HK3: variants seen among roughly 807,000 people sequenced by gnomAD.
The protein encoded by HK3 is hexokinase-3.
In HK3, 93 loss-of-function variants were observed where a neutral mutation model predicts 91.0. The observed-to-expected ratio is 1.02, with a 90% CI of 0.86 to 1.21. The LOEUF (loss-of-function observed/expected upper bound fraction) is 1.21, where lower values mean the gene tolerates loss of function less well. Ranked by LOEUF, HK3 falls within the 50% of genes most tolerant of loss-of-function variation. The pLI is 0.00. For missense variants in HK3, 1,235 were observed against 1,247.4 expected, an observed-to-expected ratio of 0.99 and a Z score of 0.15; for synonymous variants, 519 against 516.9, an observed-to-expected ratio of 1.00 and a Z score of -0.06.
chr5:176,883,834 G>A lies in HK3; in HGVS notation c.1989C>T (p.Asp663=), dbSNP rs1758508486. The change falls in exon 15 of 19, where the codon GAC becomes GAT. Residue 663 remains aspartate, a synonymous_variant. Transcript: ENST00000292432. Reference sequence around the variant, plus strand: ...CACAGGACATCATGGTCCCCACCGTGTCATTGACAATGGCAACCACATTCA... The same window carrying A: ...CACAGGACATCATGGTCCCCACCGTATCATTGACAATGGCAACCACATTCA... ...VELNVVAIVN[D]TVGTMMSCGY... 1 of 1,614,100 alleles carries A rather than the reference G, an allele frequency of 6.2e-7. No homozygotes were observed. Among genetic ancestry groups the A allele is most frequent in the Non-Finnish European group, 8.5e-7 (1 of 1,180,016 alleles).
chr5:176,892,952 C>G (rs1758815123), intron 2 of HK3, among the ~76,000 whole-genome samples: 1 of 152,212 alleles, frequency 6.6e-6, no homozygotes, highest in Non-Finnish European at 1.5e-5. Flanking sequence ...GCTAGGGGTG[C>G]CCATGCCCAC....
chr5:176,893,029 C>G (rs1293559355), intron 2 of HK3, among the ~76,000 whole-genome samples: 3 of 152,130 alleles, frequency 2.0e-5, no homozygotes, highest in Non-Finnish European at 4.4e-5. Context: ...AGCTGCAGAC[C>G]CTGTTTGCTC....
chr5:176,894,530 T>C (rs1460011002), intron 2 of HK3, among the ~76,000 whole-genome samples: 1 of 152,136 alleles, frequency 6.6e-6, no homozygotes, highest in Non-Finnish European at 1.5e-5. Flanking sequence ...GCAGGCACTG[T>C]GGCCCAGCCA....
chr5:176,881,080 C>G lies in HK3; in HGVS notation c.2765G>C (p.Arg922Pro), dbSNP rs150401292. 2 of 1,602,366 alleles carry G rather than the reference C, an allele frequency of 1.2e-6. No homozygotes were observed. The highest frequency in any genetic ancestry group is 1.7e-4 in the Middle Eastern group (1 of 5,946). Reference protein sequence around the residue: ...AVACRLAQLTRV With the variant: ...AVACRLAQLTPV Reference sequence around the variant, plus strand: ...CTCAGCCTGGAGGTTTCCTCAGACACGAGTCAACTGCGCAAGGCGGCAGGC... The same window carrying G: ...CTCAGCCTGGAGGTTTCCTCAGACAGGAGTCAACTGCGCAAGGCGGCAGGC... Residue 922 changes from arginine (R) to proline (P), a missense_variant, in exon 19 of 19, where the codon CGT becomes CCT. Coordinates refer to ENST00000292432, the MANE Select transcript of HK3 (RefSeq NM_002115.3).
rs1466539149 is a variant in HK3 at position 176,881,165 on chromosome 5, C to A, written c.2680G>T (p.Val894Phe). The A allele has an allele frequency of 2.5e-6, 4 of 1,613,032 alleles. No individual in the cohort carries two copies. The Admixed American group carries it at 6.7e-5, about 27-fold the overall frequency. Residue 894 changes from valine to phenylalanine, a missense_variant, in exon 19 of 19, where the codon GTC (valine) becomes TTC (phenylalanine). Physicochemically the swap from Val to Phe is conservative, Grantham distance 50. This residue lies in a region of HK3 where 513 missense variants were observed against 477.4 expected (regional missense o/e 1.07). Coordinates refer to ENST00000292432, the MANE Select transcript of HK3 (RefSeq NM_002115.3). The stretch of plus-strand genomic sequence containing the variant: ...CCATCCTCTGACTGCAGGAACGTGA[C>A]CACACAGCGAGGGGCCAGCTCCCGC... The part of the protein sequence containing the change: ...TVRELAPRCV[V>F]TFLQSEDGSG...
Position 176,887,340 on chromosome 5 carries a change from G to T in HK3, c.1601-3C>A. The T allele has an allele frequency of 6.2e-7, 1 of 1,613,938 alleles. No individual in the cohort carries two copies. On this transcript the variant is annotated splice_region_variant and splice_polypyrimidine_tract_variant and intron_variant, in intron 11 of 18. Transcript: ENST00000292432. The surrounding 1 kb of genome is among the most constrained non-coding windows in gnomAD (Gnocchi z 4.9). ...CAGGGCCAGGAAATCCCCTCGCTCTGTGGGGGCAGAGACCCTCAGTGCCGG... is the reference window on the plus strand; with the variant it reads ...CAGGGCCAGGAAATCCCCTCGCTCTTTGGGGGCAGAGACCCTCAGTGCCGG...
At position 176,887,339 on chromosome 5, in the gene HK3, T is replaced by C. The variant is rs761316156; in HGVS notation, c.1601-2A>G. The C allele has an allele frequency of 1.2e-6, 2 of 1,613,980 alleles. No homozygotes were observed. Among genetic ancestry groups the C allele is most frequent in the Non-Finnish European group, 1.7e-6 (2 of 1,180,028 alleles). ...CCAGGGCCAGGAAATCCCCTCGCTCTGTGGGGGCAGAGACCCTCAGTGCCG... is the reference window on the plus strand; with the variant it reads ...CCAGGGCCAGGAAATCCCCTCGCTCCGTGGGGGCAGAGACCCTCAGTGCCG... On this transcript the variant is annotated splice_acceptor_variant, in intron 11 of 18. Coordinates refer to ENST00000292432, the MANE Select transcript of HK3 (RefSeq NM_002115.3). LOFTEE classifies it high-confidence loss of function. The surrounding 1 kb of genome is among the most constrained non-coding windows in gnomAD (Gnocchi z 4.9).
At chr5:176,882,216 G>C in intron 15 of HK3, 89 bp from the exon 16 acceptor site, 1 of 1,358,670 alleles carries the variant, frequency 7.4e-7, no homozygotes, top group Non-Finnish European at 1.0e-6. Context: ...GCAACGATTC[G>C]GGCTCACTCT....
chr5:176,884,220 G>A lies in HK3; in HGVS notation c.1858-86C>T. 1 of 1,128,346 alleles carries A rather than the reference G, an allele frequency of 8.9e-7. No homozygotes were observed. The highest frequency in any genetic ancestry group is 1.3e-6 in the Non-Finnish European group (1 of 742,372). 69.9% of individuals were successfully genotyped at this position (1,128,346 alleles called of 1,614,324 possible). A position where few individuals can be genotyped will look rare whatever the true frequency, so the allele number is the denominator to read the frequency against. ...TCTGCAAAACCTGCATCCATCACAA[G>A]CCTAGGCTTTCCACCCTCCCCAAGC... On this transcript the variant is annotated intron_variant, in intron 13 of 18. Transcript: ENST00000292432. This position sits in a 1 kb window ranked among gnomAD's most constrained non-coding sequence, Gnocchi z 4.1.
rs757298879 is a variant in HK3 at position 176,890,893 on chromosome 5, G to C, written c.463C>G (p.Pro155Ala). ...AGCTGCAGACCCTGTTTGTTCACAG[G>C]CTGCGCATCCAGGAACTCAGACAGG... The part of the protein sequence containing the change: ...HCLSEFLDAQ[P>A]VNKQGLQLGF... Residue 155 changes from proline to alanine, a missense_variant, in exon 5 of 19, where the codon CCT (proline) becomes GCT (alanine). This residue lies in a region of HK3 where 717 missense variants were observed against 751.6 expected (regional missense o/e 0.95). Coordinates refer to ENST00000292432, the MANE Select transcript of HK3 (RefSeq NM_002115.3). The C allele has an allele frequency of 6.2e-7, 1 of 1,614,058 alleles. No individual in the cohort carries two copies. Among genetic ancestry groups the C allele is most frequent in the African/African-American group, 1.3e-5 (1 of 75,048 alleles).
rs748715402 is a variant in HK3, at chr5:176,889,676, C to A, written c.699G>T (p.Gly233=). The part of the protein sequence containing the change: ...TVGTMMGCEP[G]VRPCEVGLVV... ...CTAGCCCAACCTCACACGGCCTGAC[C>A]CCCGGCTCACAGCCCATCATGGTGC... Residue 233 remains glycine, a synonymous_variant, in exon 7 of 19, where the codon GGG becomes GGT. Transcript: ENST00000292432. The A allele has an allele frequency of 6.2e-7, 1 of 1,614,170 alleles. No individual in the cohort carries two copies. Among genetic ancestry groups the A allele is most frequent in the South Asian group, 1.1e-5 (1 of 91,084 alleles).
intron 1 of HK3, among the ~76,000 whole-genome samples, chr5:176,898,986 T>C (rs1172088912): frequency 6.6e-6 from 1 of 151,860 alleles, no homozygotes; most frequent in Non-Finnish European, 1.5e-5. Flanking sequence ...ATAACAAAAA[T>C]TAGCTGGGTG....
chr5:176,884,846 AG>A lies in HK3; in HGVS notation c.1858-713del, dbSNP rs1450401372. On this transcript the variant is annotated intron_variant, in intron 13 of 18. Coordinates refer to ENST00000292432, the MANE Select transcript of HK3 (RefSeq NM_002115.3). The surrounding 1 kb of genome is among the most constrained non-coding windows in gnomAD (Gnocchi z 4.1). ...TTGGGAGAAAATTACTGCTTTGCTC[AG>A]AGGAGGAGCATGGAGGGTAGGTCAG... Among the ~76,000 whole-genome samples the A allele has an allele frequency of 2.0e-5, 3 of 152,236 alleles. No individual in the cohort carries two copies. The highest frequency in any genetic ancestry group is 2.0e-4 in the Admixed American group (3 of 15,288).
chr5:176,896,113 A>G lies in HK3; in HGVS notation c.47T>C (p.Leu16Pro). 2 of 1,613,140 alleles carry G rather than the reference A, an allele frequency of 1.2e-6. No individual in the cohort carries two copies. The highest frequency in any genetic ancestry group is 1.1e-5 in the South Asian group (1 of 90,960). The change falls in exon 2 of 19, where the codon CTG becomes CCG. Residue 16 changes from leucine to proline, a missense_variant. Physicochemically the swap from Leu to Pro is moderately conservative, Grantham distance 98. Transcript: ENST00000292432. ...SSGLRQGEETLSCSEEGLPGP... is the reference protein window; with the variant it reads ...SSGLRQGEETPSCSEEGLPGP... The stretch of plus-strand genomic sequence containing the variant: ...GGGCAAGCCCTCCTCAGAGCAACTC[A>G]GGGTTTCTTCCCCCTGCCGCAACCC...
chr5:176,881,490 C>A lies in HK3; in HGVS notation c.2439G>T (p.Leu813=). The change falls in exon 18 of 19, where the codon CTG becomes CTT. Residue 813 remains leucine (L), a synonymous_variant. Coordinates refer to ENST00000292432, the MANE Select transcript of HK3 (RefSeq NM_002115.3). ...LRQVRAILED[L]GLPLTSDDAL... ...CGTCATCTGAGGTCAGGGGTAGCCCCAGATCCTCTAGGATGGCTCGGACCT... is the reference window on the plus strand; with the variant it reads ...CGTCATCTGAGGTCAGGGGTAGCCCAAGATCCTCTAGGATGGCTCGGACCT... The A allele has an allele frequency of 6.2e-7, 1 of 1,607,346 alleles. No individual in the cohort carries two copies.
chr5:176,890,481 G>T (rs1758735376), intron 6 of HK3, among the ~76,000 whole-genome samples, 154 bp downstream of exon 6: 1 of 152,194 alleles, frequency 6.6e-6, no homozygotes. Context: ...GTAGCAACAT[G>T]TACCATGTAT....
At position 176,881,287 on chromosome 5, in the gene HK3, C is replaced by T; in HGVS notation, c.2627+15G>A. ...TGGCCACACCTCCCTCCCCAGCCCG[C>T]ACACCCAGACTCACCGCGGGTGCAG... On this transcript the variant is annotated intron_variant, in intron 18 of 18. Coordinates refer to ENST00000292432, the MANE Select transcript of HK3 (RefSeq NM_002115.3). The T allele has an allele frequency of 6.2e-7, 1 of 1,613,646 alleles. No homozygotes were observed. Among genetic ancestry groups the T allele is most frequent in the Non-Finnish European group, 8.5e-7 (1 of 1,179,860 alleles).
intron 15 of HK3, among the ~76,000 whole-genome samples, chr5:176,882,933 T>TC (rs1452140778): frequency 5.3e-5 from 8 of 152,142 alleles, no homozygotes; most frequent in Admixed American, 4.6e-4. Context: ...TTCAAAAACC[T>TC]CCCCCTCAAG....
chr5:176,884,144 G>A lies in HK3; in HGVS notation c.1858-10C>T, dbSNP rs759729005. The A allele has an allele frequency of 6.2e-7, 1 of 1,612,142 alleles. No individual in the cohort carries two copies. The highest frequency in any genetic ancestry group is 8.5e-7 in the Non-Finnish European group (1 of 1,178,334). On this transcript the variant is annotated splice_polypyrimidine_tract_variant and intron_variant, in intron 13 of 18. Coordinates refer to ENST00000292432, the MANE Select transcript of HK3 (RefSeq NM_002115.3). This position sits in a 1 kb window ranked among gnomAD's most constrained non-coding sequence, Gnocchi z 4.1. ...AGTTCAGGAGGATGCCCTGGGGTGA[G>A]ACCGAGAGGAAGTGGCAGGAAGCTG...
Sources: allele counts gnomAD v4.1 joint callset (sites outside exome capture counted in the v4.1 genomes callset), GRCh38; gene constraint gnomAD v4.1.1; regional missense constraint gnomAD v4.1.1; non-coding constraint Gnocchi (gnomAD v3.1); transcripts MANE v1.5; gene names NCBI Gene and HGNC (gene_info 2026-07-23, HGNC 2026-07-21).